Variants in TANGO6 observed in about 807,000 individuals in gnomAD.
TANGO6 encodes transport and golgi organization 6 homolog.
Under a neutral mutation model 114.2 loss-of-function variants are expected in TANGO6, and 90 were observed. The observed-to-expected ratio is 0.79, with a 90% CI of 0.66 to 0.94. The LOEUF (loss-of-function observed/expected upper bound fraction) is 0.94, where lower values mean the gene tolerates loss of function less well. TANGO6 is among the 40% of genes least tolerant of loss of function. TANGO6 has a pLI of 0.00. For missense variants in TANGO6, 1,274 were observed against 1,315.3 expected (o/e 0.97, Z 0.49); for synonymous variants, 477 against 509.8 (o/e 0.94, Z 0.87).
intron 17 of TANGO6, among the ~76,000 whole-genome samples, chr16:69,077,566 T>A (rs1239638699): frequency 6.6e-6 from 1 of 152,346 alleles, no homozygotes; most frequent in South Asian, 2.1e-4. Flanking sequence ...GGCTCACGCC[T>A]GTAATCCCAC....
intron 14 of TANGO6, among the ~76,000 whole-genome samples, chr16:68,973,548 G>A (rs1963730899): frequency 6.6e-6 from 1 of 152,166 alleles, no homozygotes; most frequent in Admixed American, 6.5e-5. Flanking sequence ...GCTGTGGATA[G>A]GAGAGAGGAT....
intron 5 of TANGO6, among the ~76,000 whole-genome samples, chr16:68,877,433 A>G (rs1400728067): frequency 2.7e-5 from 4 of 147,868 alleles, no homozygotes; most frequent in Non-Finnish European, 6.0e-5. Flanking sequence ...GCACCACCGT[A>G]TTCCAGCCTG....
chr16:68,879,725 TC>T (rs1348612105), intron 6 of TANGO6, among the ~76,000 whole-genome samples: 1 of 150,716 alleles, frequency 6.6e-6, no homozygotes, highest in Non-Finnish European at 1.5e-5. Flanking sequence ...CATGCCATTC[TC>T]CTGCCTCAGC....
intron 14 of TANGO6, among the ~76,000 whole-genome samples, chr16:68,940,035 C>T (rs1963335816): frequency 1.3e-5 from 2 of 151,500 alleles, no homozygotes; most frequent in African/African-American, 4.9e-5. Context: ...ATTTCCTTCC[C>T]TCCCTCCCTT....
chr16:69,025,806 T>TTA (rs1326789519), intron 16 of TANGO6: 1 of 180,628 alleles, frequency 5.5e-6, no homozygotes, highest in African/African-American at 2.4e-5. Flanking sequence ...CAAAAACTCT[T>TTA]TATTTTTAAG....
At chr16:68,917,191 C>T (rs1963017457) in intron 11 of TANGO6, among the ~76,000 whole-genome samples, 1 of 152,068 alleles carries the variant, frequency 6.6e-6, no homozygotes, top group African/African-American at 2.4e-5. Flanking sequence ...GCTTCTTTCC[C>T]TTAGTAATAT....
At chr16:68,957,474 C>T (rs763162027) in intron 14 of TANGO6, among the ~76,000 whole-genome samples, 9 of 151,430 alleles carry the variant, frequency 5.9e-5, no homozygotes, top group East Asian at 1.9e-4. Flanking sequence ...TTTGGCTCAC[C>T]GCAGCCTCCA....
At chr16:68,963,093 A>G (rs1191300450) in intron 14 of TANGO6, among the ~76,000 whole-genome samples, 6 of 146,640 alleles carry the variant, frequency 4.1e-5, no homozygotes, top group African/African-American at 1.5e-4. Context: ...CTCCGTCTCA[A>G]AAAAAAAAAA....
chr16:68,908,537 T>G (rs760893679), intron 10 of TANGO6, among the ~76,000 whole-genome samples: 4 of 151,720 alleles, frequency 2.6e-5, no homozygotes, highest in Non-Finnish European at 5.9e-5. Context: ...AAAATCAGCC[T>G]GGCATGGTGG....
At chr16:68,895,011 T>C (rs958432650) in intron 7 of TANGO6, among the ~76,000 whole-genome samples, 1 of 152,164 alleles carries the variant, frequency 6.6e-6, no homozygotes, top group Non-Finnish European at 1.5e-5. Flanking sequence ...GTGTCTTTGC[T>C]CAACTGACTG....
chr16:69,049,331 G>T (rs1321843000), intron 17 of TANGO6, among the ~76,000 whole-genome samples: 2 of 151,212 alleles, frequency 1.3e-5, no homozygotes, highest in African/African-American at 4.9e-5. Flanking sequence ...TCATATAAAT[G>T]AGTCATACAA....
intron 15 of TANGO6, among the ~76,000 whole-genome samples, chr16:69,002,849 C>T (rs1477826978): frequency 1.3e-5 from 2 of 151,936 alleles, no homozygotes; most frequent in Admixed American, 1.3e-4. Context: ...CGGGACCAGC[C>T]TGGCCAACAT....
At chr16:68,896,221 G>A (rs1427765150) in intron 7 of TANGO6, among the ~76,000 whole-genome samples, 1 of 152,080 alleles carries the variant, frequency 6.6e-6, no homozygotes, top group Non-Finnish European at 1.5e-5. Context: ...TGGCCAGGCT[G>A]GTCTCAAACT....
At chr16:68,847,439 C>T (rs1226477694) in intron 1 of TANGO6, among the ~76,000 whole-genome samples, 1 of 152,098 alleles carries the variant, frequency 6.6e-6, no homozygotes, top group Non-Finnish European at 1.5e-5. Context: ...ATTTTCATCA[C>T]CAGTAGAGGG....
chr16:68,893,747 A>AG (rs1962664406), intron 7 of TANGO6, among the ~76,000 whole-genome samples: 3 of 150,796 alleles, frequency 2.0e-5, no homozygotes, highest in Admixed American at 1.3e-4. Flanking sequence ...AAAAAAAAAA[A>AG]GAAAACAACC....
chr16:69,027,720 C>T (rs191948417), intron 16 of TANGO6, among the ~76,000 whole-genome samples: 1 of 152,004 alleles, frequency 6.6e-6, no homozygotes, highest in Non-Finnish European at 1.5e-5. Flanking sequence ...TAACCCAAAC[C>T]AAACTGAACT....
intron 7 of TANGO6, among the ~76,000 whole-genome samples, chr16:68,883,726 A>G (rs998192395): frequency 6.6e-6 from 1 of 152,170 alleles, no homozygotes; most frequent in Admixed American, 6.6e-5. Context: ...TGTTTGAGGC[A>G]CTTCTGGACT....
chr16:68,884,526 A>G (rs1013203379), intron 7 of TANGO6, among the ~76,000 whole-genome samples: 4 of 152,190 alleles, frequency 2.6e-5, no homozygotes, highest in African/African-American at 9.7e-5. Flanking sequence ...ACAGTGGCCT[A>G]CTAACTTTCA....
chr16:69,043,714 A>T (rs893912882), intron 17 of TANGO6, among the ~76,000 whole-genome samples: 1 of 152,146 alleles, frequency 6.6e-6, no homozygotes, highest in Non-Finnish European at 1.5e-5. Flanking sequence ...TTCAATCTGG[A>T]ATTTCTCTTT....
Sources: allele counts gnomAD v4.1 joint callset (sites outside exome capture counted in the v4.1 genomes callset), GRCh38; gene constraint gnomAD v4.1.1; transcripts MANE v1.5; gene names NCBI Gene and HGNC (gene_info 2026-07-23, HGNC 2026-07-21).